DNA2: variants seen among roughly 807,000 people sequenced by gnomAD.
DNA2 encodes DNA replication ATP-dependent helicase/nuclease DNA2.
DNA2 carries 101 observed loss-of-function variants against 119.1 expected under a neutral mutation model. That is an observed-to-expected ratio of 0.85 (90% CI 0.72 to 1.00). DNA2 has a LOEUF of 1.00. DNA2 is among the 50% of genes least tolerant of loss of function. DNA2 has a pLI of 0.00. For missense variants in DNA2, 1,121 were observed against 1,255.5 expected, an observed-to-expected ratio of 0.89 and a Z score of 1.62; for synonymous variants, 366 against 424.4, an observed-to-expected ratio of 0.86 and a Z score of 1.69.
intron 7 of DNA2, 132 bp downstream of exon 7, chr10:68,446,163 CA>C (rs61316500): frequency 4.1e-5 from 24 of 580,538 alleles, no homozygotes; most frequent in Admixed American, 6.6e-5. Flanking sequence ...AAAACAACAA[CA>C]AAAAAAACCC....
Position 68,450,164 on chromosome 10 carries a change from G to A in DNA2, c.803C>T (p.Pro268Leu), listed in dbSNP as rs1190205288. The A allele has an allele frequency of 2.5e-6, 4 of 1,607,338 alleles. No homozygotes were observed. Among genetic ancestry groups the A allele is most frequent in the South Asian group, 1.1e-5 (1 of 89,872 alleles). ...PMDIEESIWS[P>L]RFGLKGKIDV... is the part of the protein sequence containing the mutation. ...TATTTTGCCTTTCAATCCAAACCTAGGGGACCAAATGCTTTCTTCAATATC... is the reference window on the plus strand; with the variant it reads ...TATTTTGCCTTTCAATCCAAACCTAAGGGACCAAATGCTTTCTTCAATATC... The change falls in exon 6 of 21, where the codon CCT becomes CTT. Residue 268 changes from proline to leucine, a missense_variant. Transcript: ENST00000358410.
At chr10:68,450,561 C>T (rs980834780) in intron 5 of DNA2, among the ~76,000 whole-genome samples, 11 of 152,184 alleles carry the variant, frequency 7.2e-5, no homozygotes, top group South Asian at 6.2e-4. Flanking sequence ...CACTGTTCTA[C>T]GGGCTCTGCT....
chr10:68,431,923 T>C lies in DNA2; in HGVS notation c.1922A>G (p.Lys641Arg). 6.2e-7 allele frequency: 1 copy of C among 1,613,904 alleles called. No homozygotes were observed. Among genetic ancestry groups the C allele is most frequent in the Non-Finnish European group, 8.5e-7 (1 of 1,179,854 alleles). The change falls in exon 13 of 21, where the codon AAA (lysine) becomes AGA (arginine). Residue 641 changes from lysine (K) to arginine (R), a missense_variant. Lys to Arg is a conservative substitution (Grantham distance 26). Coordinates refer to ENST00000358410, the MANE Select transcript of DNA2 (RefSeq NM_001080449.3). ...RQAMKKVLLS[K>R]DYTLIVGMPG... is the part of the protein sequence containing the mutation. ...CATACCCACGATGAGTGTGTAGTCTTTTGAAAGAAGTACCTTTTTCATCGC... is the reference window on the plus strand; with the variant it reads ...CATACCCACGATGAGTGTGTAGTCTCTTGAAAGAAGTACCTTTTTCATCGC...
intron 7 of DNA2, 77 bp from the exon 8 acceptor site, chr10:68,445,160 T>G: frequency 1.5e-6 from 2 of 1,364,582 alleles, no homozygotes; most frequent in East Asian, 2.4e-5. Flanking sequence ...TATGTAAAAC[T>G]TGCAGATTTA....
At chr10:68,424,750 G>A in intron 14 of DNA2, 1 of 1,516,650 alleles carries the variant, frequency 6.6e-7, no homozygotes. Context: ...CACTACAAAG[G>A]TCAGCAAATT....
intron 14 of DNA2, among the ~76,000 whole-genome samples, chr10:68,426,700 A>T (rs7087556): frequency 1.3e-5 from 2 of 151,004 alleles, no homozygotes; most frequent in African/African-American, 4.9e-5. Flanking sequence ...TTAGCCGGGC[A>T]TGGTGGTGGG....
intron 5 of DNA2, among the ~76,000 whole-genome samples, chr10:68,454,635 G>A (rs1174790090): frequency 6.6e-6 from 1 of 151,776 alleles, no homozygotes; most frequent in African/African-American, 2.4e-5. Context: ...GTGAAACTCC[G>A]TCTCTACTAA....
intron 19 of DNA2, 28 bp downstream of exon 19, chr10:68,419,006 G>C (rs369126259): frequency 1.0e-5 from 16 of 1,551,066 alleles, no homozygotes; most frequent in Non-Finnish European, 1.4e-5. Context: ...TGCCCCAAAT[G>C]AATCAGTAGC....
rs767760753 is a variant in DNA2, at chr10:68,446,401, T to C, written c.952A>G (p.Thr318Ala). 2 of 1,583,674 alleles carry C rather than the reference T, an allele frequency of 1.3e-6. No individual in the cohort carries two copies. The highest frequency in any genetic ancestry group is 4.5e-5 in the East Asian group (2 of 44,066). The change falls in exon 7 of 21, where the codon ACT (threonine) becomes GCT (alanine). Residue 318 changes from threonine (T) to alanine (A), a missense_variant. Physicochemically the swap from Thr to Ala is moderately conservative, Grantham distance 58. Transcript: ENST00000358410. The part of the protein sequence containing the change: ...IEHRSQVVLY[T>A]LLSQERRADP... ...GCTCTTCTCTCTTGGCTTAGTAGAG[T>C]GTACAGAACAACCTGTGCAAACATT...
chr10:68,436,984 T>C (rs780524292), intron 10 of DNA2, 27 bp downstream of exon 10: 12 of 1,534,686 alleles, frequency 7.8e-6, no homozygotes, highest in Non-Finnish European at 8.9e-7. Flanking sequence ...AATAAAGCTG[T>C]TATCAAAAAA....
At chr10:68,459,377 A>G in intron 4 of DNA2, 142 bp from the exon 5 acceptor site, 1 of 792,190 alleles carries the variant, frequency 1.3e-6, no homozygotes, top group Admixed American at 3.3e-5. Context: ...TCGTCAGCCA[A>G]TAAATGGATA....
chr10:68,443,466 A>G (rs2051997314), intron 8 of DNA2, among the ~76,000 whole-genome samples: 1 of 152,226 alleles, frequency 6.6e-6, no homozygotes, highest in South Asian at 2.1e-4. Flanking sequence ...AAGTACACAT[A>G]AAAACACAGA....
At position 68,445,450 on chromosome 10, in the gene DNA2, C is replaced by T. The variant is rs865889604; in HGVS notation, c.1058-367G>A. Among the ~76,000 whole-genome samples the T allele has an allele frequency of 3.1e-4, 47 of 151,220 alleles. No individual in the cohort carries two copies. In the Middle Eastern group the frequency reaches 0.014, roughly 44 times the overall value. Reference sequence around the variant, plus strand: ...TGCACTCCAGCCTGGGTAACAAGAGCGAAACTCGGTCTCAAAAAAATAAAT... The same window carrying T: ...TGCACTCCAGCCTGGGTAACAAGAGTGAAACTCGGTCTCAAAAAAATAAAT... On this transcript the variant is annotated intron_variant, in intron 7 of 20. Transcript: ENST00000358410.
chr10:68,417,894 AG>A (rs2051612425), intron 19 of DNA2, among the ~76,000 whole-genome samples: 1 of 152,188 alleles, frequency 6.6e-6, no homozygotes, highest in East Asian at 1.9e-4. Flanking sequence ...AAGTGAAATA[AG>A]GTAGTCACAA....
chr10:68,456,855 C>T (rs2052188641), intron 5 of DNA2, among the ~76,000 whole-genome samples: 1 of 151,310 alleles, frequency 6.6e-6, no homozygotes. Flanking sequence ...AAAAAAGGAG[C>T]CGGGCACGGT....
chr10:68,465,663 T>G lies in DNA2; in HGVS notation c.587+4A>C. 1 of 1,582,960 alleles carries G rather than the reference T, an allele frequency of 6.3e-7. No individual in the cohort carries two copies. Among genetic ancestry groups the G allele is most frequent in the South Asian group, 1.2e-5 (1 of 85,548 alleles). On this transcript the variant is annotated splice_donor_region_variant and intron_variant, in intron 4 of 20. Coordinates refer to ENST00000358410, the MANE Select transcript of DNA2 (RefSeq NM_001080449.3). Reference sequence around the variant, plus strand: ...TACCTGCAGTTCTTCTTATAACTACTTACATTTCCTTCAAATGTCTTATTT... The same window carrying G: ...TACCTGCAGTTCTTCTTATAACTACGTACATTTCCTTCAAATGTCTTATTT...
chr10:68,443,266 C>T (rs1442427119), intron 8 of DNA2, among the ~76,000 whole-genome samples, 155 bp from the exon 9 acceptor site: 1 of 152,180 alleles, frequency 6.6e-6, no homozygotes, highest in Non-Finnish European at 1.5e-5. Context: ...AAACATAAGC[C>T]ATATGGCTTT....
At chr10:68,443,905 T>C (rs2052002792) in intron 8 of DNA2, among the ~76,000 whole-genome samples, 1 of 149,796 alleles carries the variant, frequency 6.7e-6, no homozygotes, top group Admixed American at 6.7e-5. Flanking sequence ...GAGCCAAGAT[T>C]GCACCACTGC....
Position 68,435,469 on chromosome 10 carries a change from A to T in DNA2, c.1646+1542T>A, listed in dbSNP as rs143473814. On this transcript the variant is annotated intron_variant, in intron 10 of 20. Transcript: ENST00000358410. ...AATATACATACACATATATATATAT[A>T]TTTTTAGACAGAGTCTCACTCTTGT... 5.3e-3 allele frequency among the ~76,000 whole-genome samples: 800 copies of T among 150,062 alleles called. 14 individuals carry two copies. The highest frequency in any genetic ancestry group is 0.03 in the Admixed American group (448 of 15,006).
Sources: gnomAD v4.1 joint callset for allele counts (sites outside exome capture counted in the v4.1 genomes callset) on GRCh38, gnomAD v4.1.1 for gene constraint, MANE v1.5 for transcripts, NCBI Gene and HGNC (gene_info 2026-07-23, HGNC 2026-07-21) for gene names.